Variants in DNAH1 observed in about 807,000 individuals in gnomAD.
The protein encoded by DNAH1 is dynein axonemal heavy chain 1.
A neutral mutation model predicts 484.3 loss-of-function variants in DNAH1; 327 were observed. That is an observed-to-expected ratio of 0.68 (90% confidence interval 0.62 to 0.74). The LOEUF is 0.74. Among genes scored for constraint, DNAH1 ranks in the 30% least tolerant of loss-of-function variants. The probability of loss-of-function intolerance (pLI) is 0.00; values close to 1 mark genes in which losing one functional copy is unlikely to be tolerated. For synonymous variants in DNAH1, 2,192 were observed against 2,191.9 expected (o/e 1.00, Z 0.00); for missense variants, 5,052 against 5,546.8 (o/e 0.91, Z 2.83).
intron 1 of DNAH1, among the ~76,000 whole-genome samples, chr3:52,322,052 T>A (rs1407247001): frequency 6.6e-6 from 1 of 152,138 alleles, no homozygotes; most frequent in East Asian, 1.9e-4. Flanking sequence ...CCTCCCCATC[T>A]CCTGCTACTG....
rs1703175456 is a variant in DNAH1, at chr3:52,368,460, A to G, written c.5766-281A>G. Among the ~76,000 whole-genome samples the G allele has an allele frequency of 1.3e-5, 2 of 152,012 alleles. No individual in the cohort carries two copies. Among genetic ancestry groups the G allele is most frequent in the South Asian group, 2.1e-4 (1 of 4,814 alleles). On this transcript the variant is annotated intron_variant, in intron 36 of 77. Coordinates refer to ENST00000420323, the MANE Select transcript of DNAH1 (RefSeq NM_015512.5). This position sits in a 1 kb window ranked among gnomAD's most constrained non-coding sequence, Gnocchi z 4.4. The stretch of plus-strand genomic sequence containing the variant: ...CTTGTCCATTGTCTTCCAGAGCTGC[A>G]CTTCCTCCATCTCTGCTATTGCCTC...
intron 16 of DNAH1, among the ~76,000 whole-genome samples, chr3:52,351,643 G>A (rs1414600155): frequency 1.3e-5 from 2 of 152,224 alleles, no homozygotes; most frequent in Admixed American, 1.3e-4. Context: ...TGAGGCTTAA[G>A]AGGGGAACTT....
chr3:52,395,480 A>G lies in DNAH1; in HGVS notation c.11127+14A>G, dbSNP rs1244389208. 1 of 1,613,690 alleles carries G rather than the reference A, an allele frequency of 6.2e-7. No homozygotes were observed. Among genetic ancestry groups the G allele is most frequent in the South Asian group, 1.1e-5 (1 of 91,092 alleles). On this transcript the variant is annotated intron_variant, in intron 69 of 77. Coordinates refer to ENST00000420323, the MANE Select transcript of DNAH1 (RefSeq NM_015512.5). The surrounding 1 kb of genome is among the most constrained non-coding windows in gnomAD (Gnocchi z 4.4). The stretch of plus-strand genomic sequence containing the variant: ...GGCCAGGGGCAGGTCAGGGCTAGGC[A>G]GGGAGGAAGGGAGTGGGCTGGGGGG...
intron 7 of DNAH1, 37 bp from the exon 8 acceptor site, chr3:52,332,105 A>T (rs1462953083): frequency 6.5e-7 from 1 of 1,536,800 alleles, no homozygotes; most frequent in Non-Finnish European, 8.8e-7. Flanking sequence ...AGAAAGCCTG[A>T]TTGTGTGTCC....
Position 52,366,762 on chromosome 3 carries a change from G to C in DNAH1, c.5640G>C (p.Thr1880=). The C allele has an allele frequency of 6.2e-7, 1 of 1,613,462 alleles. No homozygotes were observed. The highest frequency in any genetic ancestry group is 8.5e-7 in the Non-Finnish European group (1 of 1,179,612). ...TCYRVLAAAM[T]SLKGQPSISG... ...ACAGAGTCCTGGCAGCTGCCATGAC[G>C]TCACTGAAAGGGCAGCCATCCATCA... Residue 1880 remains threonine (T), a synonymous_variant, in exon 36 of 78, where the codon ACG becomes ACC. Transcript: ENST00000420323.
At chr3:52,374,051 T>C (rs1257198437) in intron 44 of DNAH1, 4 of 1,012,366 alleles carry the variant, frequency 4.0e-6, no homozygotes, top group African/African-American at 1.6e-5. Context: ...GAAGTTTGTA[T>C]TGCAGCTTTT....
In DNAH1 at chr3:52,331,209, CGAG is replaced by C. The variant is rs755640904; in HGVS notation, c.937_939del (p.Glu313del). The C allele has an allele frequency of 3.1e-5, 50 of 1,609,036 alleles. No homozygotes were observed. The highest frequency in any genetic ancestry group is 6.7e-5 in the Admixed American group (4 of 59,262). On this transcript the variant is annotated inframe_deletion, in exon 7 of 78. Coordinates refer to ENST00000420323, the MANE Select transcript of DNAH1 (RefSeq NM_015512.5). ...GCGAGGTCGGCGTCCTGGACTACGA[CGAG>C]GAGAAGAAGCTATACCTGGTACACA...
chr3:52,399,290 G>A (rs1358588898), intron 76 of DNAH1, 89 bp downstream of exon 76: 1 of 1,351,786 alleles, frequency 7.4e-7, no homozygotes, highest in Non-Finnish European at 1.0e-6. Context: ...GTTGGCAGTT[G>A]GGGGACCCCT....
In DNAH1 at chr3:52,362,026, G is replaced by A. The variant is rs951957665; in HGVS notation, c.4980+260G>A. 2.6e-5 allele frequency among the ~76,000 whole-genome samples: 4 copies of A among 152,210 alleles called. No individual in the cohort carries two copies. The highest frequency in any genetic ancestry group is 9.7e-5 in the African/African-American group (4 of 41,444). On this transcript the variant is annotated intron_variant, in intron 30 of 77. Coordinates refer to ENST00000420323, the MANE Select transcript of DNAH1 (RefSeq NM_015512.5). This position sits in a 1 kb window ranked among gnomAD's most constrained non-coding sequence, Gnocchi z 5.1. Reference sequence around the variant, plus strand: ...TCCTTTCTCTAGCCACGTGCAGGGCGGCCAGGGACCTTGTTCTGGGGACAG... The same window carrying A: ...TCCTTTCTCTAGCCACGTGCAGGGCAGCCAGGGACCTTGTTCTGGGGACAG...
chr3:52,359,729 G>A (rs750710328), intron 26 of DNAH1, among the ~76,000 whole-genome samples, 187 bp from the exon 27 acceptor site: 2 of 152,210 alleles, frequency 1.3e-5, no homozygotes, highest in Non-Finnish European at 2.9e-5. Context: ...GGAGGCAGAC[G>A]CCAGGCATGT....
In DNAH1 at chr3:52,376,079, C is replaced by T. The variant is rs930223320; in HGVS notation, c.7198+86C>T. The T allele has an allele frequency of 1.2e-5, 19 of 1,524,754 alleles. No homozygotes were observed. In the South Asian group the frequency reaches 1.3e-4, roughly 11 times the overall value. The allele number at this position is 1,524,754 out of a possible 1,614,324, so 94.5% of individuals were successfully genotyped here. On this transcript the variant is annotated intron_variant, in intron 46 of 77. Coordinates refer to ENST00000420323, the MANE Select transcript of DNAH1 (RefSeq NM_015512.5). ...TGGGTGTGTTGAGGCTGCGACCAGG[C>T]GCCGTGGTGAACCATCCTCAGGTTC...
chr3:52,392,868 C>G lies in DNAH1; in HGVS notation c.10317C>G (p.Ile3439Met), dbSNP rs419050. The G allele has an allele frequency of 1.7e-5, 28 of 1,608,562 alleles. No individual in the cohort carries two copies. The highest frequency in any genetic ancestry group is 2.3e-5 in the Non-Finnish European group (27 of 1,177,974). Residue 3439 changes from isoleucine (I) to methionine (M), a missense_variant, in exon 65 of 78, where the codon ATC becomes ATG. Around this residue, in one of 4 missense-constraint regions of DNAH1, gnomAD observed 2,929 missense variants for 3,409.4 expected, o/e 0.86. Transcript: ENST00000420323. Reference protein sequence around the residue: ...VRIAEQTEKDIDLTRMEYIPV... With the variant: ...VRIAEQTEKDMDLTRMEYIPV... Reference sequence around the variant, plus strand: ...TTGCAGAGCAGACGGAGAAGGACATCGACCTGACGCGCATGGAGTACATAC... The same window carrying G: ...TTGCAGAGCAGACGGAGAAGGACATGGACCTGACGCGCATGGAGTACATAC...
At chr3:52,389,416 TGTGA>T (rs1414350660) in intron 59 of DNAH1, 41 bp from the exon 60 acceptor site, 1 of 1,608,826 alleles carries the variant, frequency 6.2e-7, no homozygotes, top group African/African-American at 1.3e-5. Context: ...GGGAGGTCTC[TGTGA>T]GTGTCATGGT....
At chr3:52,389,079 C>T (rs1251039447) in intron 59 of DNAH1, 142 bp downstream of exon 59, 2 of 1,114,074 alleles carry the variant, frequency 1.8e-6, no homozygotes, top group African/African-American at 1.6e-5. Context: ...AGCAGGCTCC[C>T]TCTCTGAGCC....
chr3:52,361,358 G>C lies in DNAH1; in HGVS notation c.4874+6G>C. ...TTCTTCAAGGGCCTGGCCAGGTGAG[G>C]CTGGGCATGAGCGTGGCACAGGATG... On this transcript the variant is annotated splice_donor_region_variant and intron_variant, in intron 29 of 77. Transcript: ENST00000420323. This position sits in a 1 kb window ranked among gnomAD's most constrained non-coding sequence, Gnocchi z 5.6. 1 of 1,570,654 alleles carries C rather than the reference G, an allele frequency of 6.4e-7. No homozygotes were observed. The highest frequency in any genetic ancestry group is 2.3e-5 in the East Asian group (1 of 43,066).
At chr3:52,338,216 C>T (rs949151944) in intron 8 of DNAH1, among the ~76,000 whole-genome samples, 1 of 152,212 alleles carries the variant, frequency 6.6e-6, no homozygotes, top group Non-Finnish European at 1.5e-5. Context: ...TCAAGCTATT[C>T]TCCTGCCTCA....
chr3:52,336,503 G>T (rs545280647), intron 8 of DNAH1, among the ~76,000 whole-genome samples: 1 of 152,134 alleles, frequency 6.6e-6, no homozygotes, highest in African/African-American at 2.4e-5. Flanking sequence ...GCAGTGAGCC[G>T]CACTGGTACC....
chr3:52,360,079 G>A lies in DNAH1; in HGVS notation c.4571G>A (p.Arg1524Lys). ...VNDFQWISQLRYYWTNNDLYI... is the reference protein window; with the variant it reads ...VNDFQWISQLKYYWTNNDLYI... ...GACTTCCAGTGGATCTCACAGCTGA[G>A]GTGAGGACATGGGGGGCGCCCCCAG... Residue 1524 changes from arginine to lysine, a missense_variant and splice_region_variant, in exon 27 of 78, where the codon AGG becomes AAG. By Grantham distance (26) the Arg-to-Lys change is conservative (BLOSUM62 2). Transcript: ENST00000420323. 6.2e-7 allele frequency: 1 copy of A among 1,613,832 alleles called. No individual in the cohort carries two copies. Among genetic ancestry groups the A allele is most frequent in the Non-Finnish European group, 8.5e-7 (1 of 1,179,894 alleles).
At position 52,331,203 on chromosome 3, in the gene DNAH1, C is replaced by T; in HGVS notation, c.927C>T (p.Asp309=). The part of the protein sequence containing the change: ...KYKWCEVGVL[D]YDEEKKLYLV... ...AATGGTGCGAGGTCGGCGTCCTGGA[C>T]TACGACGAGGAGAAGAAGCTATACC... The change falls in exon 7 of 78, where the codon GAC becomes GAT. Residue 309 remains aspartate (D), a synonymous_variant. Transcript: ENST00000420323. The T allele has an allele frequency of 6.2e-7, 1 of 1,608,486 alleles. No homozygotes were observed. Among genetic ancestry groups the T allele is most frequent in the Non-Finnish European group, 8.5e-7 (1 of 1,177,462 alleles).
Sources: allele counts gnomAD v4.1 joint callset (sites outside exome capture counted in the v4.1 genomes callset), GRCh38; gene constraint gnomAD v4.1.1; regional missense constraint gnomAD v4.1.1; non-coding constraint Gnocchi (gnomAD v3.1); transcripts MANE v1.5; gene names NCBI Gene and HGNC (gene_info 2026-07-23, HGNC 2026-07-21).